Variants in GABBR2 observed in about 807,000 individuals in gnomAD.
GABBR2 encodes the protein gamma-aminobutyric acid type B receptor subunit 2, also known as G-protein coupled receptor 51.
In GABBR2, 23 loss-of-function variants were observed where a neutral mutation model predicts 105.6. The ratio of observed to expected loss-of-function variants is 0.22; its 90% confidence interval spans 0.16 to 0.31. The LOEUF is 0.31. Among genes scored for constraint, GABBR2 ranks in the 10% least tolerant of loss-of-function variants. GABBR2 has a pLI of 1.00. For missense variants in GABBR2, 734 were observed against 1,245.5 expected (o/e 0.59, Z 6.18); for synonymous variants, 478 against 499.7 (o/e 0.96, Z 0.58).
intron 1 of GABBR2, among the ~76,000 whole-genome samples, chr9:98,605,270 G>A (rs1829398690): frequency 1.3e-5 from 2 of 152,234 alleles, no homozygotes; most frequent in Admixed American, 6.5e-5. Flanking sequence ...CCCAGAGCTT[G>A]GAGGCAACAA....
rs572790937 is a variant in GABBR2 at position 98,366,400 on chromosome 9, T to C, written c.1771-3563A>G. The stretch of plus-strand genomic sequence containing the variant: ...AGAAGAGAAATTTACACCTTTACCA[T>C]ACTCATTTAAATGAATGTCATGTGC... On this transcript the variant is annotated intron_variant, in intron 12 of 18. Coordinates refer to ENST00000259455, the MANE Select transcript of GABBR2 (RefSeq NM_005458.8). Among the ~76,000 whole-genome samples, 82 of 152,308 alleles carry C rather than the reference T, an allele frequency of 5.4e-4. 1 individual carries two copies. The Middle Eastern group carries it at 0.01, about 19-fold the overall frequency.
At chr9:98,368,659 T>A (rs1831724846) in intron 12 of GABBR2, among the ~76,000 whole-genome samples, 1 of 152,236 alleles carries the variant, frequency 6.6e-6, no homozygotes, top group Admixed American at 6.5e-5. Flanking sequence ...AAAGGCAGGT[T>A]TCTTATCACA....
chr9:98,561,831 C>T (rs1564115118), intron 2 of GABBR2, among the ~76,000 whole-genome samples: 1 of 152,158 alleles, frequency 6.6e-6, no homozygotes, highest in Non-Finnish European at 1.5e-5. Flanking sequence ...TTACAGTGAG[C>T]TATGATCGTG....
At chr9:98,644,523 T>C (rs1025726799) in intron 1 of GABBR2, among the ~76,000 whole-genome samples, 2 of 152,158 alleles carry the variant, frequency 1.3e-5, no homozygotes, top group Non-Finnish European at 2.9e-5. Context: ...TTCTCACTTG[T>C]AGTTCTCAAG....
intron 7 of GABBR2, among the ~76,000 whole-genome samples, chr9:98,438,185 ATCCATC>A (rs1564069154): frequency 0.027 from 3,058 of 112,332 alleles, 97 homozygotes; most frequent in African/African-American, 0.11. Context: ...CCATCCATCC[ATCCATC>A]CATCCATCCA....
intron 7 of GABBR2, among the ~76,000 whole-genome samples, chr9:98,427,623 A>G (rs1267466917): frequency 1.3e-5 from 2 of 152,204 alleles, no homozygotes; most frequent in Non-Finnish European, 2.9e-5. Context: ...AACTTGTAGG[A>G]TATGTCTAGA....
chr9:98,541,958 A>G lies in GABBR2; in HGVS notation c.545T>C (p.Val182Ala). ...FFRTVPSDNA[V>A]NPAILKLLKH... ...GAGCAACTTCAGAATGGCTGGATTC[A>G]CCGCATTGTCTGATGGGACGGTCCG... Residue 182 changes from valine to alanine, a missense_variant, in exon 3 of 19, where the codon GTG becomes GCG. Val to Ala is a moderately conservative substitution (Grantham distance 64). Around this residue, in one of 7 missense-constraint regions of GABBR2, gnomAD observed 370 missense variants for 648.9 expected, o/e 0.57. Coordinates refer to ENST00000259455, the MANE Select transcript of GABBR2 (RefSeq NM_005458.8). The G allele has an allele frequency of 6.2e-7, 1 of 1,614,162 alleles. No individual in the cohort carries two copies. Among genetic ancestry groups the G allele is most frequent in the Non-Finnish European group, 8.5e-7 (1 of 1,179,976 alleles).
At chr9:98,377,757 C>T (rs1464688442) in intron 11 of GABBR2, among the ~76,000 whole-genome samples, 2 of 152,086 alleles carry the variant, frequency 1.3e-5, no homozygotes, top group Non-Finnish European at 2.9e-5. Flanking sequence ...CCACTCAGCC[C>T]CCTCCTCTGG....
chr9:98,435,437 T>G (rs1019994438), intron 7 of GABBR2, among the ~76,000 whole-genome samples: 3 of 152,202 alleles, frequency 2.0e-5, no homozygotes, highest in Admixed American at 6.5e-5. Flanking sequence ...CTTCCTGAAG[T>G]GTGCCTTGAA....
At chr9:98,487,091 G>A (rs1415550134) in intron 4 of GABBR2, among the ~76,000 whole-genome samples, 1 of 152,196 alleles carries the variant, frequency 6.6e-6, no homozygotes, top group Admixed American at 6.5e-5. Context: ...GTTTATTCTT[G>A]TATCTTGAAA....
In GABBR2 at chr9:98,311,213, A is replaced by G. The variant is rs1564011732; in HGVS notation, c.1894-8T>C. The G allele has an allele frequency of 6.3e-7, 1 of 1,581,358 alleles. No homozygotes were observed. Among genetic ancestry groups the G allele is most frequent in the Non-Finnish European group, 8.7e-7 (1 of 1,150,252 alleles). On this transcript the variant is annotated splice_region_variant and splice_polypyrimidine_tract_variant and intron_variant, in intron 13 of 18. Coordinates refer to ENST00000259455, the MANE Select transcript of GABBR2 (RefSeq NM_005458.8). ...CCGTCCTGCTGGGTCCGGCTGTGCAAAGAGAAAACAGAGACTCAGGGATGG... is the reference window on the plus strand; with the variant it reads ...CCGTCCTGCTGGGTCCGGCTGTGCAGAGAGAAAACAGAGACTCAGGGATGG...
intron 1 of GABBR2, among the ~76,000 whole-genome samples, chr9:98,664,572 GT>G (rs1830308732): frequency 6.6e-6 from 1 of 152,192 alleles, no homozygotes; most frequent in South Asian, 2.1e-4. Flanking sequence ...TTTTTGTTCA[GT>G]GCTATGTTAA....
chr9:98,380,234 C>T (rs921812154), intron 11 of GABBR2, among the ~76,000 whole-genome samples: 1 of 152,152 alleles, frequency 6.6e-6, no homozygotes, highest in East Asian at 1.9e-4. Context: ...GGCACAGGCT[C>T]GGGAGTTAAC....
At chr9:98,413,227 T>TC (rs1265756180) in intron 7 of GABBR2, among the ~76,000 whole-genome samples, 1 of 152,044 alleles carries the variant, frequency 6.6e-6, no homozygotes, top group African/African-American at 2.4e-5. Flanking sequence ...CTGCCAGCCC[T>TC]CCTCCCAGGA....
chr9:98,583,500 A>T (rs1829030471), intron 1 of GABBR2, among the ~76,000 whole-genome samples: 3 of 152,254 alleles, frequency 2.0e-5, no homozygotes, highest in Non-Finnish European at 4.4e-5. Context: ...ATTTTAAAGC[A>T]GGCTTCATTG....
At chr9:98,526,986 G>C (rs1035177829) in intron 3 of GABBR2, among the ~76,000 whole-genome samples, 3 of 151,436 alleles carry the variant, frequency 2.0e-5, no homozygotes, top group Non-Finnish European at 2.9e-5. Context: ...GACAAGACAA[G>C]AATACCCACT....
At chr9:98,587,332 G>A (rs886604208) in intron 1 of GABBR2, among the ~76,000 whole-genome samples, 5 of 152,210 alleles carry the variant, frequency 3.3e-5, no homozygotes, top group Admixed American at 3.3e-4. Context: ...CTGTTAATGC[G>A]GCTTCAGTCT....
At chr9:98,449,379 A>C (rs1479559382) in intron 7 of GABBR2, among the ~76,000 whole-genome samples, 3 of 152,052 alleles carry the variant, frequency 2.0e-5, no homozygotes, top group Non-Finnish European at 4.4e-5. Flanking sequence ...CCATACACCC[A>C]GTGCGGGGCT....
chr9:98,498,359 A>C (rs1024115104), intron 3 of GABBR2, among the ~76,000 whole-genome samples: 1 of 152,260 alleles, frequency 6.6e-6, no homozygotes, highest in African/African-American at 2.4e-5. Context: ...CTGTACCCTT[A>C]TAAATGGCTA....
Sources: gnomAD v4.1 joint callset for allele counts (sites outside exome capture counted in the v4.1 genomes callset) on GRCh38, gnomAD v4.1.1 for gene constraint, gnomAD v4.1.1 regional missense constraint, MANE v1.5 for transcripts, NCBI Gene and HGNC (gene_info 2026-07-23, HGNC 2026-07-21) for gene names.